Variants in RELN observed in about 807,000 individuals in gnomAD.
RELN encodes the protein reelin.
In RELN, 108 loss-of-function variants were observed where a neutral mutation model predicts 427.6. The ratio of observed to expected loss-of-function variants is 0.25; its 90% confidence interval spans 0.22 to 0.30. The LOEUF is 0.30. RELN is among the 10% of genes least tolerant of loss of function. RELN has a pLI of 1.00. For synonymous variants in RELN, 1,524 were observed against 1,513.4 expected (o/e 1.01, Z -0.16); for missense variants, 3,715 against 4,302.8 (o/e 0.86, Z 3.82).
At chr7:103,570,763 C>T (rs1562897721) in intron 31 of RELN, among the ~76,000 whole-genome samples, 2 of 152,138 alleles carry the variant, frequency 1.3e-5, no homozygotes, top group African/African-American at 4.8e-5. Flanking sequence ...GAATGAGGAC[C>T]TCGGATGACC....
At chr7:103,632,777 AGAG>A (rs1584361668) in intron 19 of RELN, among the ~76,000 whole-genome samples, 1 of 152,006 alleles carries the variant, frequency 6.6e-6, no homozygotes, top group African/African-American at 2.4e-5. Context: ...ATAGAAACAA[AGAG>A]GAGACCAAAT....
At chr7:103,792,241 T>C (rs1322931462) in intron 3 of RELN, among the ~76,000 whole-genome samples, 2 of 152,126 alleles carry the variant, frequency 1.3e-5, no homozygotes, top group Non-Finnish European at 2.9e-5. Flanking sequence ...CATGAACACA[T>C]GTTCACAGAG....
intron 28 of RELN, among the ~76,000 whole-genome samples, chr7:103,579,553 T>C (rs1320423159): frequency 6.8e-6 from 1 of 147,766 alleles, no homozygotes; most frequent in Non-Finnish European, 1.5e-5. Context: ...GAGCTAAGAT[T>C]GCGCCCCTGC....
At chr7:103,491,061 G>A (rs1828634005) in intron 58 of RELN, among the ~76,000 whole-genome samples, 1 of 152,156 alleles carries the variant, frequency 6.6e-6, no homozygotes, top group Non-Finnish European at 1.5e-5. Context: ...AGCATGCATA[G>A]CAATGAATTC....
intron 2 of RELN, among the ~76,000 whole-genome samples, chr7:103,916,413 T>C (rs10231612): frequency 0.11 from 16,214 of 152,156 alleles, 1,744 homozygotes; most frequent in African/African-American, 0.27. Flanking sequence ...GTTTGCATTT[T>C]TGATGCTGTG....
intron 23 of RELN, 110 bp downstream of exon 23, chr7:103,604,236 T>C (rs1343047645): frequency 4.0e-6 from 5 of 1,265,162 alleles, no homozygotes; most frequent in South Asian, 2.4e-5. Flanking sequence ...CTTTTGGCTA[T>C]GTCATTATTT....
chr7:103,811,167 C>A (rs900126211), intron 3 of RELN, among the ~76,000 whole-genome samples: 1 of 152,106 alleles, frequency 6.6e-6, no homozygotes, highest in Non-Finnish European at 1.5e-5. Context: ...AATGATGTAG[C>A]TGTTTGTTTA....
intron 27 of RELN, 76 bp from the exon 28 acceptor site, chr7:103,589,904 T>A: frequency 2.3e-6 from 2 of 879,358 alleles, no homozygotes; most frequent in Non-Finnish European, 3.9e-6. Flanking sequence ...TGCTACAGCA[T>A]CCAGGGTGCC....
At chr7:103,549,187 A>C (rs539774946) in intron 41 of RELN, among the ~76,000 whole-genome samples, 6 of 152,246 alleles carry the variant, frequency 3.9e-5, no homozygotes, top group East Asian at 1.9e-4. Flanking sequence ...CGGGTGGCTT[A>C]TAAATAACAG....
At chr7:103,976,766 A>C (rs1326772193) in intron 1 of RELN, among the ~76,000 whole-genome samples, 1 of 151,988 alleles carries the variant, frequency 6.6e-6, no homozygotes, top group Admixed American at 6.6e-5. Context: ...TAGAATGGTC[A>C]ACCTCCTGGC....
intron 4 of RELN, among the ~76,000 whole-genome samples, chr7:103,762,616 C>T (rs1218591970): frequency 6.6e-6 from 1 of 152,160 alleles, no homozygotes; most frequent in African/African-American, 2.4e-5. Context: ...CATGGCAGTT[C>T]CAAAAATGCT....
chr7:103,819,239 T>C (rs1199284164), intron 3 of RELN, among the ~76,000 whole-genome samples: 1 of 151,246 alleles, frequency 6.6e-6, no homozygotes, highest in African/African-American at 2.5e-5. Flanking sequence ...ATCAACTCTA[T>C]TTATGACATA....
Position 103,628,250 on chromosome 7 carries a change from A to C in RELN, c.2702+1690T>G, listed in dbSNP as rs565719741. ...AAAGTCTCCAGGACTAAGAAAGAAC[A>C]TCTGTAAAAACAAGCATCTGAGGCT... On this transcript the variant is annotated intron_variant, in intron 20 of 64. Coordinates refer to ENST00000428762, the MANE Select transcript of RELN (RefSeq NM_005045.4). 20 of 152,308 alleles carry C rather than the reference A, an allele frequency of 1.3e-4. No homozygotes were observed. In the East Asian group the frequency reaches 3.1e-3, roughly 24 times the overall value. The allele number at this position is 152,308 out of a possible 1,614,324, so 9.4% of individuals were successfully genotyped here. A position where few individuals can be genotyped will look rare whatever the true frequency, so the allele number is the denominator to read the frequency against.
intron 38 of RELN, among the ~76,000 whole-genome samples, chr7:103,555,393 GT>G (rs1830500322): frequency 3.9e-5 from 6 of 152,322 alleles, no homozygotes; most frequent in Admixed American, 2.0e-4. Flanking sequence ...AATCCTATCA[GT>G]GTTCTAATTC....
intron 8 of RELN, among the ~76,000 whole-genome samples, chr7:103,719,394 GCCA>G (rs994686764): frequency 2.0e-5 from 3 of 152,134 alleles, no homozygotes; most frequent in Admixed American, 1.3e-4. Flanking sequence ...ATTAGGCACT[GCCA>G]CCCTGGGGAC....
At chr7:103,606,874 C>T (rs183684123) in intron 22 of RELN, among the ~76,000 whole-genome samples, 2 of 152,130 alleles carry the variant, frequency 1.3e-5, no homozygotes, top group Admixed American at 1.3e-4. Context: ...TGTTCCCCTT[C>T]CTGTGTCCAT....
Position 103,926,627 on chromosome 7 carries a change from G to GTTTTTTTTTT in RELN, c.227-9452_227-9443dup, listed in dbSNP as rs60259062. On this transcript the variant is annotated intron_variant, in intron 1 of 64. Transcript: ENST00000428762. The stretch of plus-strand genomic sequence containing the variant: ...CGAACGCAGCTCTAAAGTATCATAA[G>GTTTTTTTTTT]TTTTTTTTTTTTTTTTTTTTTTTTT... Among the ~76,000 whole-genome samples, 41 of 99,478 alleles carry GTTTTTTTTTT rather than the reference G, an allele frequency of 4.1e-4. 5 individuals are homozygous for GTTTTTTTTTT. The highest frequency in any genetic ancestry group is 1.2e-3 in the African/African-American group (34 of 28,180). 65.3% of individuals were successfully genotyped at this position (99,478 alleles called of 152,430 possible).
At chr7:103,749,533 G>C in intron 5 of RELN, 29 bp from the exon 6 acceptor site, 2 of 1,462,724 alleles carry the variant, frequency 1.4e-6, no homozygotes, top group Non-Finnish European at 1.9e-6. Flanking sequence ...ATTTAGGAAA[G>C]AAATATACTA....
chr7:103,835,547 G>C (rs1016756566), intron 2 of RELN, among the ~76,000 whole-genome samples: 3 of 152,168 alleles, frequency 2.0e-5, no homozygotes, highest in Non-Finnish European at 4.4e-5. Context: ...TGTGTGTAGG[G>C]ATAGTGGGTG....
Sources: gnomAD v4.1 joint callset for allele counts (sites outside exome capture counted in the v4.1 genomes callset) on GRCh38, gnomAD v4.1.1 for gene constraint, MANE v1.5 for transcripts, NCBI Gene and HGNC (gene_info 2026-07-23, HGNC 2026-07-21) for gene names.